The following NFILZ variants were observed in gnomAD, a reference collection of about 807,000 sequenced individuals.
The protein encoded by NFILZ is NFIL3 like protein.
At chr19:8,653,045 T>C (rs1447202254) in intron 3 of NFILZ, among the ~76,000 whole-genome samples, 3 of 66,734 alleles carry the variant, frequency 4.5e-5, no homozygotes, top group African/African-American at 6.2e-5. Context: ...TCTTTCTCTC[T>C]CTCTCTCTCT....
chr19:8,639,959 G>A (rs1430726405), intron 3 of NFILZ, among the ~76,000 whole-genome samples: 1 of 152,116 alleles, frequency 6.6e-6, no homozygotes, highest in Non-Finnish European at 1.5e-5. Flanking sequence ...TTTTGGCTGG[G>A]TCCCGGCTCT....
At chr19:8,649,021 G>A (rs782157893) in intron 3 of NFILZ, among the ~76,000 whole-genome samples, 1 of 152,068 alleles carries the variant, frequency 6.6e-6, no homozygotes, top group Non-Finnish European at 1.5e-5. Context: ...GGAGTGCAGT[G>A]GCATGATCAT....
chr19:8,647,583 C>CT (rs1414683751), intron 3 of NFILZ, among the ~76,000 whole-genome samples: 1 of 148,354 alleles, frequency 6.7e-6, no homozygotes, highest in African/African-American at 2.5e-5. Flanking sequence ...CGCACCCCCC[C>CT]CCCCAAAAAA....
chr19:8,641,955 A>G (rs147588422), intron 3 of NFILZ, among the ~76,000 whole-genome samples: 1 of 152,194 alleles, frequency 6.6e-6, no homozygotes, highest in African/African-American at 2.4e-5. Context: ...CAGTTTCCTA[A>G]GTAGCTGGGA....
intron 3 of NFILZ, among the ~76,000 whole-genome samples, chr19:8,639,376 C>T (rs963229404): frequency 1.3e-5 from 2 of 151,888 alleles, no homozygotes; most frequent in Admixed American, 6.6e-5. Flanking sequence ...TGGAAGTTTG[C>T]GACCAGCCTG....
chr19:8,673,075 G>A (rs1488326238), intron 3 of NFILZ, among the ~76,000 whole-genome samples: 1 of 152,150 alleles, frequency 6.6e-6, no homozygotes, highest in Non-Finnish European at 1.5e-5. Context: ...GGAGCGATTA[G>A]TGGGAGGTGG....
intron 3 of NFILZ, among the ~76,000 whole-genome samples, chr19:8,664,333 C>G (rs1441847477): frequency 1.3e-5 from 2 of 152,174 alleles, no homozygotes; most frequent in Non-Finnish European, 2.9e-5. Context: ...GGGTCCTTGG[C>G]CTCACCGGCT....
At chr19:8,656,437 C>T (rs1438841876) in intron 3 of NFILZ, among the ~76,000 whole-genome samples, 1 of 98,134 alleles carries the variant, frequency 1.0e-5, no homozygotes, top group Admixed American at 1.1e-4. Context: ...CGCAGCCCAC[C>T]TTCTCCTCGA....
rs556875228 is a variant in NFILZ at position 8,669,800 on chromosome 19, T to C, written c.-163-4751T>C. Among the ~76,000 whole-genome samples the C allele has an allele frequency of 2.6e-5, 4 of 152,334 alleles. No homozygotes were observed. The South Asian group carries it at 8.3e-4, about 32-fold the overall frequency. On this transcript the variant is annotated intron_variant, in intron 3 of 5. Coordinates refer to ENST00000691075, the MANE Select transcript of NFILZ (RefSeq NM_001378600.1). ...GTCAAATCAGGATGATAGCCGTGCT[T>C]TACTTTCCTCTCTGGGTAGTGGTGA...
chr19:8,665,682 AC>A (rs2043058807), intron 3 of NFILZ, among the ~76,000 whole-genome samples: 1 of 152,192 alleles, frequency 6.6e-6, no homozygotes, highest in East Asian at 1.9e-4. Context: ...AGCAAGGTAT[AC>A]CTTCTAGGTA....
intron 3 of NFILZ, among the ~76,000 whole-genome samples, chr19:8,659,076 T>A (rs1282131033): frequency 6.6e-6 from 1 of 152,062 alleles, no homozygotes; most frequent in Admixed American, 6.6e-5. Flanking sequence ...TAAAACCCTG[T>A]CTCTACTAAA....
At chr19:8,674,191 T>TGAGCACATGAGCA (rs1361327425) in intron 3 of NFILZ, among the ~76,000 whole-genome samples, 1 of 152,222 alleles carries the variant, frequency 6.6e-6, no homozygotes, top group Non-Finnish European at 1.5e-5. Flanking sequence ...GGTGGCCTCC[T>TGAGCACATGAGCA]GAGCACATGA....
intron 3 of NFILZ, among the ~76,000 whole-genome samples, chr19:8,643,698 T>C (rs1223090951): frequency 6.6e-6 from 1 of 152,170 alleles, no homozygotes; most frequent in Non-Finnish European, 1.5e-5. Flanking sequence ...ATCTGCATCA[T>C]TGGCTCTCAG....
intron 3 of NFILZ, among the ~76,000 whole-genome samples, chr19:8,664,200 T>C (rs1374738584): frequency 1.3e-5 from 2 of 152,200 alleles, no homozygotes; most frequent in Non-Finnish European, 2.9e-5. Flanking sequence ...TGGTGAACAA[T>C]GTATGTACCG....
intron 3 of NFILZ, among the ~76,000 whole-genome samples, chr19:8,659,601 G>A (rs1341034623): frequency 1.3e-5 from 2 of 152,202 alleles, no homozygotes; most frequent in Admixed American, 1.3e-4. Context: ...AAGGTTTTAA[G>A]CAGGAAAGTA....
At chr19:8,666,474 C>T (rs970405687) in intron 3 of NFILZ, among the ~76,000 whole-genome samples, 2 of 151,944 alleles carry the variant, frequency 1.3e-5, no homozygotes, top group African/African-American at 4.8e-5. Context: ...CGTGCCCAGC[C>T]TATGCCAGGT....
At chr19:8,660,177 G>C (rs945126232) in intron 3 of NFILZ, among the ~76,000 whole-genome samples, 10 of 152,212 alleles carry the variant, frequency 6.6e-5, no homozygotes, top group African/African-American at 2.4e-4. Flanking sequence ...CCTGTGACTA[G>C]CTGTGTGACC....
At chr19:8,653,667 C>G (rs551903294) in intron 3 of NFILZ, among the ~76,000 whole-genome samples, 1 of 152,072 alleles carries the variant, frequency 6.6e-6, no homozygotes, top group East Asian at 1.9e-4. Context: ...TAATGTGTTT[C>G]GCAGCAATTT....
intron 3 of NFILZ, among the ~76,000 whole-genome samples, chr19:8,661,324 G>C (rs1471627107): frequency 6.6e-6 from 1 of 151,518 alleles, no homozygotes; most frequent in African/African-American, 2.4e-5. Context: ...CACCACGCCT[G>C]GCTAGTTTTT....
Sources: allele counts gnomAD v4.1 joint callset (sites outside exome capture counted in the v4.1 genomes callset), GRCh38; gene constraint gnomAD v4.1.1; transcripts MANE v1.5; gene names NCBI Gene and HGNC (gene_info 2026-07-23, HGNC 2026-07-21).